LRGUK: variants seen among roughly 807,000 people sequenced by gnomAD.
LRGUK encodes leucine rich repeats and guanylate kinase domain containing.
LRGUK carries 65 observed loss-of-function variants against 76.0 expected under a neutral mutation model. The observed-to-expected ratio is 0.85, with a 90% confidence interval of 0.70 to 1.05. The LOEUF is 1.05. LRGUK is among the 50% of genes least tolerant of loss of function. The pLI is 0.00. For missense variants in LRGUK, 758 were observed against 732.8 expected (o/e 1.03, Z -0.40); for synonymous variants, 268 against 265.6 (o/e 1.01, Z -0.09).
chr7:134,260,889 C>G (rs1433705176), intron 19 of LRGUK, among the ~76,000 whole-genome samples: 3 of 152,146 alleles, frequency 2.0e-5, no homozygotes, highest in African/African-American at 7.2e-5. Context: ...TAGATCTGCC[C>G]TACTCTCTCT....
chr7:134,249,027 C>T (rs1181385099), exon 18 of LRGUK: 2 of 1,597,512 alleles, frequency 1.3e-6, no homozygotes, highest in Admixed American at 1.7e-5. Flanking sequence ...AAGTTTTGAT[C>T]TTTGTGAAGA....
intron 11 of LRGUK, among the ~76,000 whole-genome samples, chr7:134,189,991 G>A (rs1430060443): frequency 6.6e-6 from 1 of 152,140 alleles, no homozygotes; most frequent in Non-Finnish European, 1.5e-5. Context: ...AGAGCCTTTC[G>A]AGGTTGGAAC....
chr7:134,253,845 C>T (rs1802506781), intron 18 of LRGUK, among the ~76,000 whole-genome samples: 1 of 152,096 alleles, frequency 6.6e-6, no homozygotes, highest in African/African-American at 2.4e-5. Flanking sequence ...TATATAGAGA[C>T]AGCACGTTGA....
At chr7:134,210,821 CA>C (rs1296209924), downstream of LRGUK, among the ~76,000 whole-genome samples, 1 of 152,102 alleles carries the variant, frequency 6.6e-6, no homozygotes, top group East Asian at 1.9e-4. Flanking sequence ...TTCCAAGCAG[CA>C]AACCAAAGAG....
chr7:134,188,606 G>A (rs544123584), intron 11 of LRGUK, among the ~76,000 whole-genome samples: 1 of 152,256 alleles, frequency 6.6e-6, no homozygotes, highest in Admixed American at 6.5e-5. Flanking sequence ...TACAGTATGT[G>A]CTGGAATCTT....
chr7:134,172,618 C>A (rs1799304653), intron 7 of LRGUK, among the ~76,000 whole-genome samples: 1 of 152,214 alleles, frequency 6.6e-6, no homozygotes, highest in Non-Finnish European at 1.5e-5. Flanking sequence ...CACATGGCCA[C>A]AACTTGTTGG....
At chr7:134,152,197 C>T (rs867029889) in intron 5 of LRGUK, among the ~76,000 whole-genome samples, 2 of 151,860 alleles carry the variant, frequency 1.3e-5, no homozygotes, top group African/African-American at 2.4e-5. Context: ...TGACCAGATA[C>T]GACTTCAATA....
intron 6 of LRGUK, among the ~76,000 whole-genome samples, chr7:134,161,944 A>G (rs34607748): frequency 0.13 from 20,024 of 152,058 alleles, 1,664 homozygotes; most frequent in East Asian, 0.32. Context: ...CGCCTGCCGC[A>G]GCCTCCCAAA....
At chr7:134,270,288 G>A in the LRGUK span, among the ~76,000 whole-genome samples, 1 of 152,070 alleles carries the variant, frequency 6.6e-6, no homozygotes, top group Non-Finnish European at 1.5e-5. Context: ...CTAGCAATGA[G>A]CCTTTGGAAA....
chr7:134,146,295 C>T (rs527438923), intron 4 of LRGUK, among the ~76,000 whole-genome samples: 62 of 151,962 alleles, frequency 4.1e-4, no homozygotes, highest in African/African-American at 1.1e-3. Context: ...AAACCTAATA[C>T]CATAGCTACA....
At position 134,147,138 on chromosome 7, in the gene LRGUK, C is replaced by T. The variant is rs111246418; in HGVS notation, c.589-1100C>T. Among the ~76,000 whole-genome samples, 1,215 of 152,112 alleles carry T rather than the reference C, an allele frequency of 8.0e-3. 23 individuals carry two copies. The highest frequency in any genetic ancestry group is 0.028 in the African/African-American group (1,165 of 41,484). ...AATAAATAAGTAAGACTAGGCCGGG[C>T]GCAGTGGCTCACACCTATAATCCCA... On this transcript the variant is annotated intron_variant, in intron 4 of 15. Transcript: ENST00000645682.
At chr7:134,268,717 C>CTTTTTTTT (rs71531815), downstream of LRGUK, among the ~76,000 whole-genome samples, 38 of 57,356 alleles carry the variant, frequency 6.6e-4, 5 homozygotes, top group African/African-American at 1.5e-3. Context: ...TGCAAAAAAT[C>CTTTTTTTT]TTTTTTTTTT....
chr7:134,167,953 C>T (rs1647307099), intron 7 of LRGUK, among the ~76,000 whole-genome samples: 1 of 152,188 alleles, frequency 6.6e-6, no homozygotes, highest in Non-Finnish European at 1.5e-5. Flanking sequence ...TCTAGTTTCA[C>T]ATCTGTTACA....
intron 16 of LRGUK, among the ~76,000 whole-genome samples, chr7:134,229,423 G>C (rs1173857649): frequency 7.2e-6 from 1 of 138,990 alleles, no homozygotes; most frequent in Non-Finnish European, 1.6e-5. Context: ...TCTATGTTCA[G>C]TAACATCCAA....
rs950221026 is a variant in LRGUK, at chr7:134,230,550, T to C, written c.1983+8632T>C. Among the ~76,000 whole-genome samples, 32 of 152,228 alleles carry C rather than the reference T, an allele frequency of 2.1e-4. 1 individual carries two copies. Among genetic ancestry groups the C allele is most frequent in the Non-Finnish European group, 4.4e-5 (3 of 68,034 alleles). The stretch of plus-strand genomic sequence containing the variant: ...AAGATATGTGCAAAAATGTTTATAG[T>C]AGCATTGTTCATAATAGTCCTAAAC... On this transcript the variant is annotated intron_variant, in intron 16 of 19. Coordinates refer to the LRGUK transcript ENST00000285928.
At chr7:134,204,202 C>T (rs902663094) in intron 15 of LRGUK, among the ~76,000 whole-genome samples, 4 of 152,212 alleles carry the variant, frequency 2.6e-5, no homozygotes, top group Non-Finnish European at 5.9e-5. Flanking sequence ...GAGAGTCCGT[C>T]TCTGTATCTT....
chr7:134,220,770 A>G (rs1233527571), intron 15 of LRGUK, among the ~76,000 whole-genome samples: 3 of 151,950 alleles, frequency 2.0e-5, no homozygotes, highest in Admixed American at 6.6e-5. Flanking sequence ...AGGTTTCACC[A>G]TGTTGGCCAG....
intron 16 of LRGUK, among the ~76,000 whole-genome samples, chr7:134,230,084 G>T (rs1801856109): frequency 6.6e-6 from 1 of 151,376 alleles, no homozygotes; most frequent in Non-Finnish European, 1.5e-5. Context: ...ACAGCATGAG[G>T]AAAAAAAAGA....
intron 15 of LRGUK, among the ~76,000 whole-genome samples, chr7:134,202,285 C>A (rs1340968647): frequency 6.6e-6 from 1 of 150,944 alleles, no homozygotes; most frequent in Non-Finnish European, 1.5e-5. Context: ...ATCCACCTCA[C>A]AACTATTAGG....
Sources: allele counts gnomAD v4.1 joint callset (sites outside exome capture counted in the v4.1 genomes callset), GRCh38; gene constraint gnomAD v4.1.1; transcripts MANE v1.5; gene names NCBI Gene and HGNC (gene_info 2026-07-23, HGNC 2026-07-21).